Variants in RAB3C observed in about 807,000 individuals in gnomAD.
RAB3C encodes RAB3C, member RAS oncogene family.
RAB3C carries 17 observed loss-of-function variants against 26.4 expected under a neutral mutation model. The observed-to-expected ratio is 0.64, with a 90% CI of 0.44 to 0.97. The LOEUF (loss-of-function observed/expected upper bound fraction) is 0.97. Among genes scored for constraint, RAB3C ranks in the 50% least tolerant of loss-of-function variants. The pLI is 0.00. For synonymous variants in RAB3C, 91 were observed against 95.9 expected, an observed-to-expected ratio of 0.95 and a Z score of 0.30; for missense variants, 242 against 281.9, an observed-to-expected ratio of 0.86 and a Z score of 1.01.
At chr5:58,657,302 G>T (rs1436331823) in intron 2 of RAB3C, among the ~76,000 whole-genome samples, 1 of 152,004 alleles carries the variant, frequency 6.6e-6, no homozygotes, top group East Asian at 1.9e-4. Flanking sequence ...TACTGCTCAG[G>T]TGATGGGTGC....
chr5:58,821,849 C>T (rs1446094507), intron 3 of RAB3C, among the ~76,000 whole-genome samples: 2 of 152,186 alleles, frequency 1.3e-5, no homozygotes, highest in Non-Finnish European at 2.9e-5. Flanking sequence ...AACTCTCCTG[C>T]TGTAGTTTAA....
At chr5:58,771,204 T>C (rs1020040056) in intron 3 of RAB3C, among the ~76,000 whole-genome samples, 2 of 152,090 alleles carry the variant, frequency 1.3e-5, no homozygotes, top group African/African-American at 4.8e-5. Context: ...AGCAATTGCT[T>C]GTTGGAGAAG....
intron 2 of RAB3C, among the ~76,000 whole-genome samples, chr5:58,645,285 A>T (rs1295566619): frequency 6.6e-6 from 1 of 152,228 alleles, no homozygotes; most frequent in African/African-American, 2.4e-5. Context: ...AGATCACCAG[A>T]TTCTAATTTT....
intron 2 of RAB3C, among the ~76,000 whole-genome samples, chr5:58,705,231 T>C (rs185186089): frequency 7.9e-5 from 12 of 152,262 alleles, no homozygotes; most frequent in Non-Finnish European, 1.6e-4. Context: ...AGAATAACTA[T>C]ACATCTGGTA....
At chr5:58,604,727 C>G (rs1746524356) in intron 1 of RAB3C, among the ~76,000 whole-genome samples, 1 of 152,216 alleles carries the variant, frequency 6.6e-6, no homozygotes, top group Non-Finnish European at 1.5e-5. Context: ...CCGAGGCTGT[C>G]TGCCTCCCAG....
intron 2 of RAB3C, among the ~76,000 whole-genome samples, chr5:58,666,941 A>G (rs972853743): frequency 1.3e-5 from 2 of 152,218 alleles, no homozygotes; most frequent in African/African-American, 2.4e-5. Flanking sequence ...GCATCTGAAC[A>G]TTTGAGCGTT....
chr5:58,793,512 G>T (rs1010278197), intron 3 of RAB3C, among the ~76,000 whole-genome samples: 8 of 147,088 alleles, frequency 5.4e-5, no homozygotes, highest in African/African-American at 7.6e-5. Context: ...AGCCAAGATC[G>T]TGCCGCTGCA....
At chr5:58,621,704 T>C (rs1318531943) in intron 2 of RAB3C, among the ~76,000 whole-genome samples, 1 of 151,766 alleles carries the variant, frequency 6.6e-6, no homozygotes, top group Non-Finnish European at 1.5e-5. Context: ...GCCTCCAGAG[T>C]AGCTGGGATT....
chr5:58,712,470 A>G (rs1307344649), intron 2 of RAB3C, among the ~76,000 whole-genome samples: 1 of 152,198 alleles, frequency 6.6e-6, no homozygotes, highest in East Asian at 1.9e-4. Context: ...GGATAAGTTA[A>G]TAACTAGTTT....
intron 3 of RAB3C, among the ~76,000 whole-genome samples, chr5:58,783,579 TTTGC>T (rs772623726): frequency 0.78 from 118,848 of 151,696 alleles, 46,696 homozygotes; most frequent in African/African-American, 0.83. Flanking sequence ...GTTGTCTCAC[TTTGC>T]ACCGAGGGAG....
chr5:58,756,623 A>C (rs1741673528), intron 3 of RAB3C, among the ~76,000 whole-genome samples: 1 of 143,758 alleles, frequency 7.0e-6, no homozygotes, highest in African/African-American at 2.6e-5. Flanking sequence ...TGAGAACATC[A>C]TATTTTGGGT....
chr5:58,661,087 G>C lies in RAB3C; in HGVS notation c.252+43217G>C, dbSNP rs994377106. The stretch of plus-strand genomic sequence containing the variant: ...CCCCAAAATTCATCTCTTATTTTAA[G>C]GTCCTATTAAAGTATTAATTGTGGG... On this transcript the variant is annotated intron_variant, in intron 2 of 4. Transcript: ENST00000282878. Among the ~76,000 whole-genome samples the C allele has an allele frequency of 1.2e-4, 18 of 150,030 alleles. 3 individuals are homozygous for C. The highest frequency in any genetic ancestry group is 4.6e-4 in the African/African-American group (18 of 39,458).
chr5:58,701,241 T>A (rs1748836414), intron 2 of RAB3C, among the ~76,000 whole-genome samples: 1 of 152,136 alleles, frequency 6.6e-6, no homozygotes, highest in South Asian at 2.1e-4. Context: ...GACCTCATGA[T>A]CCACCCGCCT....
chr5:58,613,655 T>C (rs889430366), intron 1 of RAB3C, among the ~76,000 whole-genome samples: 1 of 152,016 alleles, frequency 6.6e-6, no homozygotes, highest in African/African-American at 2.4e-5. Context: ...AATGTGAAAA[T>C]AGTGATGAGC....
rs1436893525 is a variant in RAB3C at position 58,771,492 on chromosome 5, T to C, written c.371+45372T>C. Among the ~76,000 whole-genome samples, 5 of 152,130 alleles carry C rather than the reference T, an allele frequency of 3.3e-5. No individual in the cohort carries two copies. The East Asian group carries it at 9.6e-4, about 29-fold the overall frequency. On this transcript the variant is annotated intron_variant, in intron 3 of 4. Transcript: ENST00000282878. ...TCAAGAAGCTTGTTTTCTAGGTTGCTTAAAAAACTCACATATATTTATAAA... is the reference window on the plus strand; with the variant it reads ...TCAAGAAGCTTGTTTTCTAGGTTGCCTAAAAAACTCACATATATTTATAAA...
chr5:58,698,303 AT>A (rs1272194393), intron 2 of RAB3C, among the ~76,000 whole-genome samples: 2 of 152,132 alleles, frequency 1.3e-5, no homozygotes, highest in Non-Finnish European at 2.9e-5. Flanking sequence ...AGCTGTTAGT[AT>A]GATGGGCTTC....
chr5:58,840,479 T>G (rs1297560784), intron 4 of RAB3C, among the ~76,000 whole-genome samples: 1 of 152,222 alleles, frequency 6.6e-6, no homozygotes, highest in Non-Finnish European at 1.5e-5. Flanking sequence ...TTTCTTATCA[T>G]TGAGGTCTGT....
chr5:58,593,568 G>A (rs987084615), intron 1 of RAB3C, among the ~76,000 whole-genome samples: 1 of 152,062 alleles, frequency 6.6e-6, no homozygotes, highest in Non-Finnish European at 1.5e-5. Flanking sequence ...AAATTAAATT[G>A]TGGGCTTCAA....
At chr5:58,711,755 A>C (rs758423677) in intron 2 of RAB3C, among the ~76,000 whole-genome samples, 1 of 152,064 alleles carries the variant, frequency 6.6e-6, no homozygotes, top group Admixed American at 6.6e-5. Context: ...CAAATATTAC[A>C]TTTTCTTTCC....
Sources: allele counts gnomAD v4.1 joint callset (sites outside exome capture counted in the v4.1 genomes callset), GRCh38; gene constraint gnomAD v4.1.1; transcripts MANE v1.5; gene names NCBI Gene and HGNC (gene_info 2026-07-23, HGNC 2026-07-21).